Variants in CREB1 observed in about 807,000 individuals in gnomAD.
CREB1 encodes the protein cAMP responsive element binding protein 1, also known as cyclic AMP-responsive element-binding protein 1.
A neutral mutation model predicts 42.0 loss-of-function variants in CREB1; 2 were observed. The ratio of observed to expected loss-of-function variants is 0.05; its 90% confidence interval spans 0.02 to 0.15. CREB1 has a LOEUF of 0.15. Among genes scored for constraint, CREB1 ranks in the 10% least tolerant of loss-of-function variants. The probability of loss-of-function intolerance (pLI) is 1.00; values close to 1 mark genes in which losing one functional copy is unlikely to be tolerated. For synonymous variants in CREB1, 123 were observed against 139.9 expected, an observed-to-expected ratio of 0.88 and a Z score of 0.85; for missense variants, 199 against 388.9, an observed-to-expected ratio of 0.51 and a Z score of 4.11.
At chr2:207,536,627 A>G (rs776595536) in intron 1 of CREB1, among the ~76,000 whole-genome samples, 6 of 152,230 alleles carry the variant, frequency 3.9e-5, no homozygotes, top group Non-Finnish European at 8.8e-5. Context: ...TGCGTTGATC[A>G]TATATACAAA....
At chr2:207,568,931 C>G (rs2082244927) in intron 4 of CREB1, among the ~76,000 whole-genome samples, 1 of 152,078 alleles carries the variant, frequency 6.6e-6, no homozygotes, top group Admixed American at 6.6e-5. Flanking sequence ...CCCATTCCTT[C>G]TGTCGTTTTC....
At chr2:207,564,532 A>G (rs1324504417) in intron 3 of CREB1, among the ~76,000 whole-genome samples, 3 of 152,104 alleles carry the variant, frequency 2.0e-5, no homozygotes. Context: ...ATCTTAAAAA[A>G]AAAATATATA....
At position 207,599,873 on chromosome 2, in the gene CREB1, T is replaced by C. The variant is rs1424055876; in HGVS notation, c.*2815T>C. Reference sequence around the variant, plus strand: ...CCAAAAGGGAATAAAAATGTCATCATAGGAATTTGTACATATGCTACTGAT... The same window carrying C: ...CCAAAAGGGAATAAAAATGTCATCACAGGAATTTGTACATATGCTACTGAT... On this transcript the variant is annotated 3_prime_UTR_variant, in exon 8 of 8. Transcript: ENST00000353267. The C allele has an allele frequency of 2.0e-5, 4 of 195,248 alleles. No homozygotes were observed. The highest frequency in any genetic ancestry group is 9.3e-5 in the African/African-American group (4 of 43,232). The allele number at this position is 195,248 out of a possible 1,614,324, so 12.1% of individuals were successfully genotyped here. A position where few individuals can be genotyped will look rare whatever the true frequency, so the allele number is the denominator to read the frequency against.
At chr2:207,535,453 G>A (rs1032223441) in intron 1 of CREB1, among the ~76,000 whole-genome samples, 3 of 151,414 alleles carry the variant, frequency 2.0e-5, no homozygotes, top group Non-Finnish European at 4.4e-5. Flanking sequence ...ACAGCTCATG[G>A]GATATTATTA....
intron 3 of CREB1, 27 bp from the exon 4 acceptor site, chr2:207,567,436 C>G: frequency 6.7e-7 from 1 of 1,497,264 alleles, no homozygotes; most frequent in Non-Finnish European, 9.2e-7. Flanking sequence ...ATTTGATTAT[C>G]AATATGAAGT....
In CREB1 at chr2:207,597,822, TAAAGC is replaced by T. The variant is rs1024437435; in HGVS notation, c.*769_*773del. 7 of 194,058 alleles carry T rather than the reference TAAAGC, an allele frequency of 3.6e-5. No individual in the cohort carries two copies. Among genetic ancestry groups the T allele is most frequent in the African/African-American group, 1.4e-4 (6 of 43,264 alleles). The allele number at this position is 194,058 out of a possible 1,614,324, so 12.0% of individuals were successfully genotyped here. ...AAAGCATGGTATTTGAATTTTAAAT[TAAAGC>T]AAAGTAAATAAAAGTACAAAGCATA... On this transcript the variant is annotated 3_prime_UTR_variant, in exon 8 of 8. Coordinates refer to ENST00000353267, the MANE Select transcript of CREB1 (RefSeq NM_004379.5).
At chr2:207,589,133 C>T (rs961697936) in intron 7 of CREB1, among the ~76,000 whole-genome samples, 1 of 152,140 alleles carries the variant, frequency 6.6e-6, no homozygotes, top group Non-Finnish European at 1.5e-5. Flanking sequence ...AACTTACTGG[C>T]TTAAACAACA....
intron 1 of CREB1, among the ~76,000 whole-genome samples, chr2:207,544,068 C>T (rs924899752): frequency 2.0e-5 from 3 of 151,884 alleles, no homozygotes; most frequent in African/African-American, 7.3e-5. Flanking sequence ...TACAGGGGCC[C>T]GCCACCACGC....
chr2:207,536,701 G>A (rs1258834226), intron 1 of CREB1, among the ~76,000 whole-genome samples: 1 of 152,000 alleles, frequency 6.6e-6, no homozygotes, highest in East Asian at 1.9e-4. Flanking sequence ...ATTACTATGT[G>A]CTATTTGGCC....
chr2:207,560,048 GT>G (rs1156909610), intron 2 of CREB1, among the ~76,000 whole-genome samples, 177 bp from the exon 3 acceptor site: 2 of 152,088 alleles, frequency 1.3e-5, no homozygotes, highest in East Asian at 1.9e-4. Context: ...AGTTTTTGGT[GT>G]TTTTTATAGT....
At chr2:207,539,004 C>A (rs1395975829) in intron 1 of CREB1, among the ~76,000 whole-genome samples, 1 of 151,020 alleles carries the variant, frequency 6.6e-6, no homozygotes, top group Non-Finnish European at 1.5e-5. Context: ...TTTTTCACCA[C>A]TGAAGTGAAA....
At chr2:207,542,702 G>C (rs1208331817) in intron 1 of CREB1, among the ~76,000 whole-genome samples, 7 of 151,764 alleles carry the variant, frequency 4.6e-5, no homozygotes, top group Non-Finnish European at 1.0e-4. Flanking sequence ...TTTGTGTTTT[G>C]GTGTTATATT....
chr2:207,551,256 T>A (rs2081492203), intron 1 of CREB1, among the ~76,000 whole-genome samples: 1 of 152,248 alleles, frequency 6.6e-6, no homozygotes, highest in Non-Finnish European at 1.5e-5. Context: ...TAAACTACAT[T>A]TTAAACTTTT....
chr2:207,571,864 A>C, intron 5 of CREB1: 1 of 378,938 alleles, frequency 2.6e-6, no homozygotes, highest in Non-Finnish European at 5.3e-6. Context: ...TGAAGGTTAG[A>C]AAAGTACCAG....
chr2:207,602,514 C>G lies in CREB1; in HGVS notation c.*5456C>G, dbSNP rs2087252689. On this transcript the variant is annotated 3_prime_UTR_variant, in exon 8 of 8. Transcript: ENST00000353267. ...CTTGCCTATAGAAGTATGGCATTTC[C>G]AAGCTTTTGTCTGAGGAGCATCTCA... is the stretch of plus-strand genomic sequence containing the variant. 4.8e-6 allele frequency: 1 copy of G among 208,434 alleles called. No homozygotes were observed. The highest frequency in any genetic ancestry group is 1.9e-4 in the South Asian group (1 of 5,282). The allele number at this position is 208,434 out of a possible 1,614,324, so 12.9% of individuals were successfully genotyped here.
rs2082643675 is a variant in CREB1, at chr2:207,577,533, G to T, written c.717G>T (p.Gln239His). Residue 239 changes from glutamine to histidine, a missense_variant, in exon 7 of 8, where the codon CAG (glutamine) becomes CAT (histidine). Around this residue, in one of 4 missense-constraint regions of CREB1, gnomAD observed 66 missense variants for 88.1 expected, o/e 0.75. Transcript: ENST00000353267. The stretch of plus-strand genomic sequence containing the variant: ...CCTCTGGAGACGTACAAACATACCA[G>T]ATTCGCACAGCACCCACTAGCACTA... Reference protein sequence around the residue: ...QAASGDVQTYQIRTAPTSTIA... With the variant: ...QAASGDVQTYHIRTAPTSTIA... 1 of 1,613,780 alleles carries T rather than the reference G, an allele frequency of 6.2e-7. No individual in the cohort carries two copies.
chr2:207,561,128 A>C (rs2081941846), intron 3 of CREB1: 2 of 1,613,376 alleles, frequency 1.2e-6, no homozygotes, highest in Middle Eastern at 3.3e-4. Context: ...GTCTTCCTGT[A>C]AGGACTTAAA....
chr2:207,549,159 T>G (rs1235065414), intron 1 of CREB1, among the ~76,000 whole-genome samples: 1 of 152,246 alleles, frequency 6.6e-6, no homozygotes, highest in Non-Finnish European at 1.5e-5. Flanking sequence ...CAGTCTAATC[T>G]AAAGTTTATT....
At chr2:207,546,586 C>T (rs1036049524) in intron 1 of CREB1, among the ~76,000 whole-genome samples, 3 of 151,914 alleles carry the variant, frequency 2.0e-5, no homozygotes, top group Admixed American at 2.0e-4. Context: ...AATTAGCTGG[C>T]TGTGGTGGCG....
Sources: allele counts gnomAD v4.1 joint callset (sites outside exome capture counted in the v4.1 genomes callset), GRCh38; gene constraint gnomAD v4.1.1; regional missense constraint gnomAD v4.1.1; transcripts MANE v1.5; gene names NCBI Gene and HGNC (gene_info 2026-07-23, HGNC 2026-07-21).